RBFOX2: variants seen among roughly 807,000 people sequenced by gnomAD.
RBFOX2 encodes the protein RNA binding protein fox-1 homolog 2.
Under a neutral mutation model 49.1 loss-of-function variants are expected in RBFOX2, and 10 were observed. The ratio of observed to expected loss-of-function variants is 0.20; its 90% CI spans 0.13 to 0.35. The LOEUF is 0.35. Ranked by LOEUF, RBFOX2 falls within the 10% of genes least tolerant of loss-of-function variation. The pLI is 1.00. For missense variants in RBFOX2, 323 were observed against 486.9 expected (o/e 0.66, Z 3.17); for synonymous variants, 183 against 187.4 (o/e 0.98, Z 0.19).
intron 1 of RBFOX2, among the ~76,000 whole-genome samples, chr22:36,024,516 C>A (rs1455798492): frequency 4.0e-5 from 6 of 151,874 alleles, no homozygotes; most frequent in African/African-American, 1.5e-4. Context: ...CCAACGCAGG[C>A]GATCACCTGA....
At chr22:35,992,131 C>T (rs2058008214) in intron 1 of RBFOX2, among the ~76,000 whole-genome samples, 1 of 152,178 alleles carries the variant, frequency 6.6e-6, no homozygotes, top group South Asian at 2.1e-4. Flanking sequence ...CTCCACTTGA[C>T]TCTTACCTTG....
At position 35,951,346 on chromosome 22, in the gene RBFOX2, A is replaced by G. The variant is rs144803319; in HGVS notation, c.42+10217T>C. ...CTGCAACCTCCACCTTCCGGGTTCA[A>G]GCGATTCTCCTGCCTCAGCCTCCTG... On this transcript the variant is annotated intron_variant, in intron 1 of 5. Transcript: ENST00000408983. Among the ~76,000 whole-genome samples, 15 of 136,992 alleles carry G rather than the reference A, an allele frequency of 1.1e-4. No individual in the cohort carries two copies. In the East Asian group the frequency reaches 3.3e-3, roughly 30 times the overall value. The allele number at this position is 136,992 out of a possible 152,430, so 89.9% of individuals were successfully genotyped here.
At chr22:36,006,500 A>ACTATATT (rs2058623964) in intron 1 of RBFOX2, among the ~76,000 whole-genome samples, 1 of 152,182 alleles carries the variant, frequency 6.6e-6, no homozygotes, top group Admixed American at 6.5e-5. Context: ...ATGAACAAAG[A>ACTATATT]CTATATTCCT....
At chr22:35,938,757 A>G in intron 1 of RBFOX2, 90 bp downstream of exon 2, 1 of 1,244,502 alleles carries the variant, frequency 8.0e-7, no homozygotes, top group South Asian at 1.3e-5. Context: ...CAAAGTAAGT[A>G]ATTTCAGGAA....
rs145855751 is a variant in RBFOX2, at chr22:35,852,487, A to T, written c.-33-42483T>A. On this transcript the variant is annotated intron_variant, in intron 1 of 13. Coordinates refer to the RBFOX2 transcript ENST00000359369. Reference sequence around the variant, plus strand: ...GCAACATAGTGACACCTTTCTTTTTAAAAAAAAAAAAAAAAAAAGAATGTT... The same window carrying T: ...GCAACATAGTGACACCTTTCTTTTTTAAAAAAAAAAAAAAAAAAGAATGTT... Among the ~76,000 whole-genome samples, 680 of 131,562 alleles carry T rather than the reference A, an allele frequency of 5.2e-3. 4 individuals are homozygous for T. Among genetic ancestry groups the T allele is most frequent in the Middle Eastern group, 0.023 (6 of 262 alleles). 86.3% of individuals were successfully genotyped at this position (131,562 alleles called of 152,430 possible).
intron 2 of RBFOX2, among the ~76,000 whole-genome samples, chr22:35,784,505 C>T (rs1188855548): frequency 2.0e-5 from 3 of 152,234 alleles, no homozygotes; most frequent in African/African-American, 7.2e-5. Context: ...CTCCTTCAGG[C>T]CAGCCTTTGC....
exon 10 of RBFOX2, chr22:35,746,531 G>T: frequency 6.2e-7 from 1 of 1,609,498 alleles, no homozygotes; most frequent in Non-Finnish European, 8.5e-7. Flanking sequence ...GCAGTAGCAG[G>T]CTGTGCATAT....
At chr22:35,847,110 C>T (rs993655968) in intron 1 of RBFOX2, among the ~76,000 whole-genome samples, 2 of 152,176 alleles carry the variant, frequency 1.3e-5, no homozygotes, top group Non-Finnish European at 2.9e-5. Flanking sequence ...AGGGAGACTA[C>T]ATTCATTGTC....
At chr22:35,964,049 T>C (rs947405848), upstream of RBFOX2, among the ~76,000 whole-genome samples, 2 of 152,180 alleles carry the variant, frequency 1.3e-5, no homozygotes, top group African/African-American at 2.4e-5. Context: ...CCCTGCCTAG[T>C]ATACATTCTT....
chr22:35,744,893 C>A (rs1433305553), intron 11 of RBFOX2, among the ~76,000 whole-genome samples: 1 of 152,208 alleles, frequency 6.6e-6, no homozygotes, highest in East Asian at 1.9e-4. Flanking sequence ...TGGCTTATCT[C>A]TTTCAATTAG....
intron 9 of RBFOX2, chr22:35,750,392 T>C: frequency 2.0e-6 from 3 of 1,521,546 alleles, no homozygotes; most frequent in Non-Finnish European, 2.7e-6. Context: ...TAATAAAAAT[T>C]AAAAAGGACA....
At chr22:36,025,284 C>T (rs1377796991) in intron 1 of RBFOX2, among the ~76,000 whole-genome samples, 1 of 152,198 alleles carries the variant, frequency 6.6e-6, no homozygotes, top group Non-Finnish European at 1.5e-5. Flanking sequence ...CCTCCTCTAC[C>T]TGAACCCTCT....
intron 1 of RBFOX2, chr22:35,897,252 C>G: frequency 6.8e-7 from 1 of 1,463,032 alleles, no homozygotes; most frequent in South Asian, 1.2e-5. Context: ...CCAAGAGTTG[C>G]TCGGGAGGCA....
intron 1 of RBFOX2, among the ~76,000 whole-genome samples, chr22:35,867,497 T>C (rs569216703): frequency 6.6e-6 from 1 of 152,356 alleles, no homozygotes. Flanking sequence ...TTGCGTTTAC[T>C]AGACACACAA....
At position 35,790,892 on chromosome 22, in the gene RBFOX2, C is replaced by G. The variant is rs181510359; in HGVS notation, c.253-9146G>C. Among the ~76,000 whole-genome samples the G allele has an allele frequency of 3.8e-3, 578 of 152,128 alleles. 1 individual carries two copies. The highest frequency in any genetic ancestry group is 6.7e-3 in the Non-Finnish European group (455 of 67,992). On this transcript the variant is annotated intron_variant, in intron 2 of 11. Coordinates refer to ENST00000405409, the Ensembl canonical transcript of RBFOX2. ...GAATGATGGCGTAAGCCTGTACTCC[C>G]AGCTACTTGGGAGGCTGAGGTGGGA...
chr22:35,837,281 A>G (rs1482607462), intron 1 of RBFOX2, among the ~76,000 whole-genome samples: 2 of 152,228 alleles, frequency 1.3e-5, no homozygotes. Flanking sequence ...TGAGCAATGG[A>G]AACTGGGGAC....
chr22:35,889,783 T>C (rs2047030151), intron 1 of RBFOX2, among the ~76,000 whole-genome samples: 1 of 152,200 alleles, frequency 6.6e-6, no homozygotes, highest in South Asian at 2.1e-4. Flanking sequence ...TTAAGTCTAG[T>C]TCTCTAATTG....
chr22:35,806,687 A>C (rs1950800515), intron 2 of RBFOX2, among the ~76,000 whole-genome samples: 1 of 152,270 alleles, frequency 6.6e-6, no homozygotes, highest in Non-Finnish European at 1.5e-5. Context: ...GTAAAATGAC[A>C]GACATAAATC....
chr22:35,783,538 G>A (rs1189547737), intron 2 of RBFOX2, among the ~76,000 whole-genome samples: 1 of 152,130 alleles, frequency 6.6e-6, no homozygotes, highest in East Asian at 1.9e-4. Context: ...TTTCAAAAGC[G>A]AGTTTGGGGG....
Sources: allele counts gnomAD v4.1 joint callset (sites outside exome capture counted in the v4.1 genomes callset), GRCh38; gene constraint gnomAD v4.1.1; transcripts MANE v1.5; gene names NCBI Gene and HGNC (gene_info 2026-07-23, HGNC 2026-07-21).